The following ATRX variants were observed in gnomAD, a reference collection of about 807,000 sequenced individuals.
ATRX encodes ATRX chromatin remodeler.
Under a neutral mutation model 172.6 loss-of-function variants are expected in ATRX, and 12 were observed. The observed-to-expected ratio is 0.07, with a 90% confidence interval of 0.04 to 0.11. ATRX has a LOEUF of 0.11. Among genes scored for constraint, ATRX ranks in the 10% least tolerant of loss-of-function variants. The pLI, the probability that ATRX is intolerant of heterozygous loss-of-function variation, is 1.00. For missense variants in ATRX, 1,368 were observed against 1,767.4 expected (o/e 0.77, Z 4.05); for synonymous variants, 674 against 594.7 (o/e 1.13, Z -1.94).
At chrX:77,560,203 T>C (rs2064969334) in intron 28 of ATRX, among the ~76,000 whole-genome samples, 1 of 111,493 alleles carries the variant, frequency 9.0e-6, no homozygotes, top group Non-Finnish European at 1.9e-5. Flanking sequence ...ATATATTACT[T>C]TGATATTAAT....
chrX:77,759,364 A>C lies in ATRX; in HGVS notation c.20+26618T>G, dbSNP rs924934274. ...TTTAGTAGCACCAAATTCGTAAAAA[A>C]AAAAAACAACAACTATCCACCAGTA... On this transcript the variant is annotated intron_variant, in intron 1 of 34. Transcript: ENST00000373344. 2.7e-5 allele frequency among the ~76,000 whole-genome samples: 3 copies of C among 110,899 alleles called. No homozygotes were observed. In the Admixed American group the frequency reaches 2.9e-4, roughly 11 times the overall value.
At chrX:77,562,802 C>A (rs149217541) in intron 28 of ATRX, among the ~76,000 whole-genome samples, 4,094 of 111,986 alleles carry the variant, frequency 0.037, 77 homozygotes, top group East Asian at 0.086. Flanking sequence ...TCACCTCAGC[C>A]TCCCAAAGCC....
chrX:77,634,488 A>G, intron 17 of ATRX, 106 bp downstream of exon 17: 2 of 656,825 alleles, frequency 3.0e-6, no homozygotes. Context: ...ATTCTTGTTC[A>G]CTGCTTTATC....
chrX:77,737,419 T>C (rs1275659702), intron 1 of ATRX, among the ~76,000 whole-genome samples: 8 of 53,545 alleles, frequency 1.5e-4, no homozygotes, highest in African/African-American at 7.6e-4. Context: ...CAAGACTCTG[T>C]CTCCAAAAAA....
intron 34 of ATRX, among the ~76,000 whole-genome samples, chrX:77,515,785 A>C (rs1466572534): frequency 8.9e-6 from 1 of 112,262 alleles, no homozygotes; most frequent in Non-Finnish European, 1.9e-5. Flanking sequence ...GAGATCAAAA[A>C]TCTACTTTCT....
At chrX:77,678,352 CCT>C (rs2071016488) in intron 9 of ATRX, among the ~76,000 whole-genome samples, 1 of 111,987 alleles carries the variant, frequency 8.9e-6, no homozygotes, top group Admixed American at 9.4e-5. Flanking sequence ...ACTGTCACTC[CCT>C]CTTTACTACA....
At chrX:77,722,372 A>G (rs1557169633) in intron 1 of ATRX, among the ~76,000 whole-genome samples, 3 of 109,529 alleles carry the variant, frequency 2.7e-5, no homozygotes. Context: ...AAAAAAAAAT[A>G]TATATATATA....
intron 1 of ATRX, among the ~76,000 whole-genome samples, chrX:77,752,365 GGA>G (rs2075333516): frequency 8.9e-6 from 1 of 111,949 alleles, no homozygotes; most frequent in Admixed American, 9.5e-5. Context: ...ATCAGCTCAA[GGA>G]GTTTTTGGGT....
Position 77,696,610 on chromosome X carries a change from C to T in ATRX, c.337G>A (p.Glu113Lys), listed in dbSNP as rs781803934. ...VNEDASNENSENDITMQSLPK... is the reference protein window; with the variant it reads ...VNEDASNENSKNDITMQSLPK... ...AAGCTCTGCATAGTAATATCATTTT[C>T]TGAATTTTCATTAGACGCATCTTCA... The change falls in exon 5 of 35, where the codon GAA becomes AAA. Residue 113 changes from glutamate to lysine, a missense_variant. Glu to Lys is a moderately conservative substitution (Grantham distance 56, BLOSUM62 1). This residue lies in a region of ATRX where 84 missense variants were observed against 82.8 expected (regional missense o/e 1.01). Transcript: ENST00000373344. The T allele has an allele frequency of 8.3e-7, 1 of 1,206,119 alleles. No homozygotes were observed. The highest frequency in any genetic ancestry group is 2.2e-5 in the Admixed American group (1 of 45,982).
At chrX:77,585,751 A>G (rs1391759740) in intron 27 of ATRX, among the ~76,000 whole-genome samples, 1 of 109,982 alleles carries the variant, frequency 9.1e-6, no homozygotes, top group Non-Finnish European at 1.9e-5. Context: ...CTAAGTGTCC[A>G]TCAACAGATG....
At chrX:77,751,540 T>C (rs2075298995) in intron 1 of ATRX, among the ~76,000 whole-genome samples, 1 of 112,491 alleles carries the variant, frequency 8.9e-6, no homozygotes, top group Non-Finnish European at 1.9e-5. Flanking sequence ...TTGTCAATTT[T>C]GGCTTTTGTT....
intron 28 of ATRX, among the ~76,000 whole-genome samples, chrX:77,572,063 C>T (rs1310909707): frequency 2.7e-5 from 3 of 111,339 alleles, no homozygotes; most frequent in African/African-American, 9.8e-5. Context: ...TTTTTCCTTG[C>T]TCTTTTCATT....
chrX:77,647,851 A>G (rs917931678), intron 15 of ATRX, among the ~76,000 whole-genome samples: 29 of 112,141 alleles, frequency 2.6e-4, no homozygotes, highest in Non-Finnish European at 5.1e-4. Flanking sequence ...TAAAGGAAAC[A>G]TGAAAATGAA....
intron 27 of ATRX, among the ~76,000 whole-genome samples, chrX:77,579,581 C>T (rs1054062932): frequency 1.8e-5 from 2 of 112,018 alleles, no homozygotes; most frequent in African/African-American, 3.2e-5. Flanking sequence ...AGAACTACAG[C>T]GTTACTGGCC....
chrX:77,526,406 G>A (rs938846098), intron 30 of ATRX, among the ~76,000 whole-genome samples: 18 of 111,366 alleles, frequency 1.6e-4, no homozygotes, highest in African/African-American at 5.9e-4. Context: ...AGGTTCCAGC[G>A]ATTCTCCTGC....
At chrX:77,557,731 A>G (rs1476733311) in intron 29 of ATRX, 86 bp from the exon 30 acceptor site, 3 of 848,715 alleles carry the variant, frequency 3.5e-6, no homozygotes, top group South Asian at 2.5e-5. Context: ...TTACTGGTTA[A>G]TATGAAATGG....
rs2065071293 is a variant in ATRX, at chrX:77,562,996, A to G, written c.6327-4150T>C. On this transcript the variant is annotated intron_variant, in intron 28 of 34. Transcript: ENST00000373344. ...CTGAGTTCTTTATACATTCTGAATGAGTCCTTTGTTAAATATGCAAATTGC... is the reference window on the plus strand; with the variant it reads ...CTGAGTTCTTTATACATTCTGAATGGGTCCTTTGTTAAATATGCAAATTGC... Among the ~76,000 whole-genome samples, 3 of 112,857 alleles carry G rather than the reference A, an allele frequency of 2.7e-5. No homozygotes were observed. The Admixed American group carries it at 2.8e-4, about 11-fold the overall frequency.
chrX:77,772,594 A>G (rs1557199817), intron 1 of ATRX, among the ~76,000 whole-genome samples: 1 of 106,816 alleles, frequency 9.4e-6, no homozygotes, highest in East Asian at 3.0e-4. Flanking sequence ...CTCCTGCCTC[A>G]GCCTCCCGAG....
intron 28 of ATRX, among the ~76,000 whole-genome samples, chrX:77,572,367 C>A (rs1302220672): frequency 9.0e-6 from 1 of 111,196 alleles, no homozygotes; most frequent in Non-Finnish European, 1.9e-5. Flanking sequence ...ATTCAAAAAT[C>A]TGAAAAAAAT....
Sources: gnomAD v4.1 joint callset for allele counts (sites outside exome capture counted in the v4.1 genomes callset) on GRCh38, gnomAD v4.1.1 for gene constraint, gnomAD v4.1.1 regional missense constraint, MANE v1.5 for transcripts, NCBI Gene and HGNC (gene_info 2026-07-23, HGNC 2026-07-21) for gene names.